RAP1GAP2: variants seen among roughly 807,000 people sequenced by gnomAD.
RAP1GAP2 encodes rap1 GTPase-activating protein 2.
A neutral mutation model predicts 95.0 loss-of-function variants in RAP1GAP2; 27 were observed. The observed-to-expected ratio is 0.28, with a 90% CI of 0.21 to 0.39. RAP1GAP2 has a LOEUF of 0.39. Among genes scored for constraint, RAP1GAP2 ranks in the 10% least tolerant of loss-of-function variants. The pLI, the probability that RAP1GAP2 is intolerant of heterozygous loss-of-function variation, is 1.00. For synonymous variants in RAP1GAP2, 373 were observed against 380.9 expected (o/e 0.98, Z 0.24); for missense variants, 771 against 970.0 (o/e 0.79, Z 2.72).
intron 8 of RAP1GAP2, among the ~76,000 whole-genome samples, chr17:2,967,214 A>G (rs972932628): frequency 6.6e-6 from 1 of 151,910 alleles, no homozygotes; most frequent in Admixed American, 6.6e-5. Context: ...TAAAAATACA[A>G]AAAAAAATTA....
intron 2 of RAP1GAP2, among the ~76,000 whole-genome samples, chr17:2,852,828 C>T (rs2071921419): frequency 1.3e-5 from 2 of 152,114 alleles, no homozygotes; most frequent in African/African-American, 2.4e-5. Flanking sequence ...CGAGGCCCCG[C>T]GCCGATGGTA....
chr17:2,922,820 C>CTTTTTTTT (rs1567782104), intron 3 of RAP1GAP2, among the ~76,000 whole-genome samples: 3 of 129,100 alleles, frequency 2.3e-5, no homozygotes, highest in African/African-American at 9.6e-5. Flanking sequence ...CCAGTATTTT[C>CTTTTTTTT]TTTTTGTTTT....
At chr17:2,911,708 G>A (rs1285366049) in intron 3 of RAP1GAP2, among the ~76,000 whole-genome samples, 1 of 148,128 alleles carries the variant, frequency 6.8e-6, no homozygotes, top group African/African-American at 2.5e-5. Context: ...ATGGGGCGGG[G>A]TGGGGCAGCC....
chr17:2,796,406 G>C, upstream of RAP1GAP2: 1 of 1,093,226 alleles, frequency 9.1e-7, no homozygotes, highest in Non-Finnish European at 1.3e-6. The surrounding 1 kb of genome is among the most constrained non-coding windows in gnomAD (Gnocchi z 4.7). Flanking sequence ...GAAGAGGGAG[G>C]TGCCACGCTG....
At chr17:2,917,281 CT>C (rs1211523141) in intron 3 of RAP1GAP2, among the ~76,000 whole-genome samples, 3 of 148,742 alleles carry the variant, frequency 2.0e-5, no homozygotes, top group Non-Finnish European at 4.5e-5. Flanking sequence ...TTTTTTTTTT[CT>C]TTTTTGAGAC....
intron 2 of RAP1GAP2, among the ~76,000 whole-genome samples, chr17:2,886,893 C>T (rs987094055): frequency 2.0e-5 from 3 of 152,212 alleles, no homozygotes; most frequent in African/African-American, 4.8e-5. Context: ...TTACTTGCTG[C>T]AGGACCTTCC....
At chr17:2,863,661 G>C (rs896667015) in intron 2 of RAP1GAP2, among the ~76,000 whole-genome samples, 1 of 152,164 alleles carries the variant, frequency 6.6e-6, no homozygotes, top group Non-Finnish European at 1.5e-5. Context: ...CTGTTGTCAA[G>C]AGGGCTTACT....
intron 2 of RAP1GAP2, among the ~76,000 whole-genome samples, chr17:2,828,297 C>T (rs148084353): frequency 3.9e-5 from 6 of 151,906 alleles, no homozygotes; most frequent in East Asian, 1.9e-4. Flanking sequence ...GCCGAGATCG[C>T]GCCATTGCAC....
At chr17:2,838,651 T>A (rs1169130119) in intron 2 of RAP1GAP2, among the ~76,000 whole-genome samples, 2 of 151,884 alleles carry the variant, frequency 1.3e-5, no homozygotes, top group African/African-American at 2.4e-5. Flanking sequence ...GGGAGGCGGG[T>A]GGAATTGGAT....
rs140394894 is a variant in RAP1GAP2 at position 2,871,240 on chromosome 17, G to A, written c.81-34044G>A. Among the ~76,000 whole-genome samples the A allele has an allele frequency of 1.7e-3, 261 of 152,340 alleles. No homozygotes were observed. Among genetic ancestry groups the A allele is most frequent in the African/African-American group, 5.7e-3 (239 of 41,586 alleles). On this transcript the variant is annotated intron_variant, in intron 2 of 24. Coordinates refer to ENST00000254695, the MANE Select transcript of RAP1GAP2 (RefSeq NM_015085.5). This position sits in a 1 kb window ranked among gnomAD's most constrained non-coding sequence, Gnocchi z 5.0. Reference sequence around the variant, plus strand: ...CACAGTGCTGGGATTACAGGCATGAGCCACTGCGCCCAGCCAAGGGCTAAA... The same window carrying A: ...CACAGTGCTGGGATTACAGGCATGAACCACTGCGCCCAGCCAAGGGCTAAA...
intron 3 of RAP1GAP2, among the ~76,000 whole-genome samples, chr17:2,933,704 G>T (rs2043223846): frequency 6.6e-6 from 1 of 152,232 alleles, no homozygotes; most frequent in Admixed American, 6.5e-5. Flanking sequence ...AGTTGACCCT[G>T]TTACGGACCT....
intron 1 of RAP1GAP2, among the ~76,000 whole-genome samples, chr17:2,779,611 T>G (rs2068589871): frequency 1.3e-5 from 2 of 151,894 alleles, no homozygotes; most frequent in Admixed American, 1.3e-4. Flanking sequence ...TCCTGGGCTC[T>G]GCCTCAGGAG....
At chr17:2,928,337 A>C (rs1345478490) in intron 3 of RAP1GAP2, among the ~76,000 whole-genome samples, 1 of 152,180 alleles carries the variant, frequency 6.6e-6, no homozygotes, top group African/African-American at 2.4e-5. Context: ...CTAATCCTGC[A>C]ATCTGCTTCT....
intron 2 of RAP1GAP2, among the ~76,000 whole-genome samples, chr17:2,853,063 G>A (rs1032967656): frequency 1.3e-5 from 2 of 152,058 alleles, no homozygotes; most frequent in Non-Finnish European, 2.9e-5. Flanking sequence ...GTTGGTTATT[G>A]AACCCATGTG....
At chr17:2,980,105 TA>T (rs1286795567) in intron 8 of RAP1GAP2, among the ~76,000 whole-genome samples, 181 bp from the exon 9 acceptor site, 2 of 151,814 alleles carry the variant, frequency 1.3e-5, no homozygotes, top group Non-Finnish European at 2.9e-5. Context: ...CACGTCTGGC[TA>T]ATTTTTTTGT....
intron 18 of RAP1GAP2, among the ~76,000 whole-genome samples, chr17:3,019,906 C>T (rs527895830): frequency 6.6e-6 from 1 of 152,378 alleles, no homozygotes; most frequent in East Asian, 1.9e-4. Flanking sequence ...TGAGGCCAGG[C>T]AGCTTTCCAA....
At chr17:2,913,002 AC>A (rs1470887433) in intron 3 of RAP1GAP2, among the ~76,000 whole-genome samples, 1 of 151,872 alleles carries the variant, frequency 6.6e-6, no homozygotes, top group East Asian at 1.9e-4. Flanking sequence ...ACACAGTGAG[AC>A]CCCATTTCTA....
intron 16 of RAP1GAP2, 129 bp downstream of exon 16, chr17:3,006,170 A>C (rs1350305354): frequency 5.4e-6 from 4 of 747,444 alleles, no homozygotes; most frequent in African/African-American, 2.1e-5. Context: ...TCTGTTACCC[A>C]GGCTGGAGTG....
At chr17:2,911,898 C>T (rs1023246109) in intron 3 of RAP1GAP2, among the ~76,000 whole-genome samples, 2 of 152,188 alleles carry the variant, frequency 1.3e-5, no homozygotes, top group Admixed American at 6.5e-5. Flanking sequence ...CTGACCTTGT[C>T]CCTGGAGCCG....
Sources: gnomAD v4.1 joint callset for allele counts (sites outside exome capture counted in the v4.1 genomes callset) on GRCh38, gnomAD v4.1.1 for gene constraint, Gnocchi (gnomAD v3.1) non-coding constraint, MANE v1.5 for transcripts, NCBI Gene and HGNC (gene_info 2026-07-23, HGNC 2026-07-21) for gene names.